Variants in SLC5A8 observed in about 807,000 individuals in gnomAD.
The protein encoded by SLC5A8 is sodium-coupled monocarboxylate transporter 1.
SLC5A8 carries 55 observed loss-of-function variants against 71.9 expected under a neutral mutation model. That is an observed-to-expected ratio of 0.77 (90% CI 0.62 to 0.96). SLC5A8 has a LOEUF of 0.96. Among genes scored for constraint, SLC5A8 ranks in the 40% least tolerant of loss-of-function variants. The pLI is 0.00. For synonymous variants in SLC5A8, 307 were observed against 276.1 expected (o/e 1.11, Z -1.11); for missense variants, 701 against 745.3 (o/e 0.94, Z 0.69).
intron 10 of SLC5A8, among the ~76,000 whole-genome samples, chr12:101,174,478 T>C (rs1034074073): frequency 1.3e-5 from 2 of 152,284 alleles, no homozygotes; most frequent in Middle Eastern, 3.4e-3. Context: ...CCTTCTCCCT[T>C]TCTTATACCT....
chr12:101,161,840 A>G (rs1457191618), intron 13 of SLC5A8, 134 bp downstream of exon 13: 6 of 688,008 alleles, frequency 8.7e-6, no homozygotes, highest in Admixed American at 2.6e-5. Context: ...CAGATTTCCC[A>G]TGAGTAAAAC....
rs1869021343 is a variant in SLC5A8 at position 101,193,616 on chromosome 12, G to A, written c.692+9C>T. The stretch of plus-strand genomic sequence containing the variant: ...GATGTGTTCAGTTACCCAAGTACTA[G>A]ACACTTACTTCCAGAAATTTAATCT... On this transcript the variant is annotated intron_variant, in intron 5 of 14. Coordinates refer to ENST00000536262, the MANE Select transcript of SLC5A8 (RefSeq NM_145913.5). 1.2e-6 allele frequency: 2 copies of A among 1,612,032 alleles called. No homozygotes were observed. Among genetic ancestry groups the A allele is most frequent in the East Asian group, 2.2e-5 (1 of 44,854 alleles).
chr12:101,174,318 A>G (rs1392967023), intron 10 of SLC5A8, among the ~76,000 whole-genome samples: 1 of 152,176 alleles, frequency 6.6e-6, no homozygotes, highest in Non-Finnish European at 1.5e-5. Context: ...CTTAGGCACC[A>G]TCTAATGCTC....
At chr12:101,203,206 C>G (rs745572850) in intron 2 of SLC5A8, among the ~76,000 whole-genome samples, 17 of 152,124 alleles carry the variant, frequency 1.1e-4, no homozygotes, top group African/African-American at 1.7e-4. Context: ...TAAGAGACAC[C>G]AAAGGATTCC....
At chr12:101,198,079 A>G (rs1869269914) in intron 3 of SLC5A8, among the ~76,000 whole-genome samples, 3 of 152,064 alleles carry the variant, frequency 2.0e-5, no homozygotes, top group Admixed American at 1.3e-4. Context: ...TAAATAACCC[A>G]TGGGCAAAAG....
At chr12:101,181,469 G>T (rs2051932796) in intron 9 of SLC5A8, among the ~76,000 whole-genome samples, 1 of 152,134 alleles carries the variant, frequency 6.6e-6, no homozygotes, top group Non-Finnish European at 1.5e-5. Flanking sequence ...GTCTATATTA[G>T]CAGAGTTGAT....
At chr12:101,171,972 C>A (rs183122753) in intron 10 of SLC5A8, among the ~76,000 whole-genome samples, 1 of 152,270 alleles carries the variant, frequency 6.6e-6, no homozygotes, top group East Asian at 1.9e-4. Flanking sequence ...CTTAGAGTTG[C>A]TTGATTACAG....
chr12:101,162,887 A>G (rs1193491481), intron 12 of SLC5A8, among the ~76,000 whole-genome samples: 1 of 152,256 alleles, frequency 6.6e-6, no homozygotes, highest in East Asian at 1.9e-4. Flanking sequence ...AGATAAATAC[A>G]ATAAACAAAT....
chr12:101,158,367 G>A, intron 13 of SLC5A8, 39 bp from the exon 14 acceptor site: 1 of 1,318,678 alleles, frequency 7.6e-7, no homozygotes, highest in Non-Finnish European at 1.1e-6. Context: ...TTGTTAAAAA[G>A]GACACCAGTA....
chr12:101,191,338 C>T (rs1868902085), intron 5 of SLC5A8, among the ~76,000 whole-genome samples: 1 of 152,130 alleles, frequency 6.6e-6, no homozygotes, highest in Non-Finnish European at 1.5e-5. Context: ...ACAATATGAG[C>T]TAGAAAACTT....
chr12:101,187,167 T>C (rs1216002690), intron 7 of SLC5A8, among the ~76,000 whole-genome samples: 1 of 152,190 alleles, frequency 6.6e-6, no homozygotes, highest in African/African-American at 2.4e-5. Context: ...CTCTGCTTGA[T>C]TTTTTCCTGG....
intron 12 of SLC5A8, among the ~76,000 whole-genome samples, chr12:101,166,179 AG>A (rs1210193603): frequency 6.6e-6 from 1 of 152,204 alleles, no homozygotes; most frequent in African/African-American, 2.4e-5. Context: ...CCATTTTAAA[AG>A]TTTTTCCAAG....
At position 101,209,967 on chromosome 12, in the gene SLC5A8, C is replaced by T; in HGVS notation, c.-119G>A. ...GCGCAGGCGTGGCGTCCCGCGGGGA[C>T]TGGAGGCGTCCTCCAGGTGTCGGCC... On this transcript the variant is annotated 5_prime_UTR_variant, in exon 1 of 15. Coordinates refer to ENST00000536262, the MANE Select transcript of SLC5A8 (RefSeq NM_145913.5). The T allele has an allele frequency of 1.1e-6, 1 of 918,814 alleles. No homozygotes were observed. Among genetic ancestry groups the T allele is most frequent in the South Asian group, 2.0e-5 (1 of 50,752 alleles). The allele number at this position is 918,814 out of a possible 1,614,324, so 56.9% of individuals were successfully genotyped here. A position where few individuals can be genotyped will look rare whatever the true frequency, so the allele number is the denominator to read the frequency against.
intron 7 of SLC5A8, among the ~76,000 whole-genome samples, chr12:101,186,499 T>A (rs920131965): frequency 6.6e-6 from 1 of 152,212 alleles, no homozygotes; most frequent in Non-Finnish European, 1.5e-5. Flanking sequence ...GAACTCAGGC[T>A]TTAGGGTTGG....
intron 13 of SLC5A8, among the ~76,000 whole-genome samples, chr12:101,161,536 C>G (rs760037087): frequency 2.6e-5 from 4 of 152,130 alleles, no homozygotes; most frequent in African/African-American, 4.8e-5. Context: ...TGCTTCTTTA[C>G]AGTTCACAAA....
intron 6 of SLC5A8, among the ~76,000 whole-genome samples, chr12:101,188,221 A>G (rs577053922): frequency 4.6e-5 from 7 of 152,364 alleles, no homozygotes; most frequent in African/African-American, 1.7e-4. Context: ...TTATAAAACT[A>G]AATGAAACAG....
intron 10 of SLC5A8, among the ~76,000 whole-genome samples, chr12:101,171,349 G>A (rs2051828203): frequency 6.6e-6 from 1 of 152,106 alleles, no homozygotes; most frequent in Admixed American, 6.5e-5. Flanking sequence ...TTGCTTGAGT[G>A]GCCTTATGCC....
chr12:101,209,572 A>T lies in SLC5A8; in HGVS notation c.277T>A (p.Phe93Ile), dbSNP rs767097656. Residue 93 changes from phenylalanine to isoleucine, a missense_variant, in exon 1 of 15, where the codon TTC (phenylalanine) becomes ATC (isoleucine). Phe to Ile is a conservative substitution (Grantham distance 21, BLOSUM62 0). Transcript: ENST00000536262. ...TCCGCGCTGATGACCACCACAAAGA[A>T]GTAGGTGAAGGCAAAGATGCTAAAA... is the stretch of plus-strand genomic sequence containing the variant. ...AIFSIFAFTY[F>I]FVVVISAEVF... 2.5e-6 allele frequency: 4 copies of T among 1,614,104 alleles called. No individual in the cohort carries two copies. Among genetic ancestry groups the T allele is most frequent in the Non-Finnish European group, 3.4e-6 (4 of 1,180,024 alleles).
At chr12:101,168,439 G>A (rs1593364397) in intron 10 of SLC5A8, among the ~76,000 whole-genome samples, 1 of 152,282 alleles carries the variant, frequency 6.6e-6, no homozygotes, top group Non-Finnish European at 1.5e-5. Context: ...AGAGGTCTGC[G>A]ACAATGGTAG....
Sources: gnomAD v4.1 joint callset for allele counts (sites outside exome capture counted in the v4.1 genomes callset) on GRCh38, gnomAD v4.1.1 for gene constraint, MANE v1.5 for transcripts, NCBI Gene and HGNC (gene_info 2026-07-23, HGNC 2026-07-21) for gene names.